PTPRD: variants seen among roughly 807,000 people sequenced by gnomAD.
The protein encoded by PTPRD is protein tyrosine phosphatase receptor type D, also known as receptor-type tyrosine-protein phosphatase delta.
PTPRD carries 34 observed loss-of-function variants against 214.5 expected under a neutral mutation model. That is an observed-to-expected ratio of 0.16 (90% CI 0.12 to 0.21). The LOEUF (loss-of-function observed/expected upper bound fraction) is 0.21, where lower values mean the gene tolerates loss of function less well. PTPRD is among the 10% of genes least tolerant of loss of function. The probability of loss-of-function intolerance (pLI) is 1.00; values close to 1 mark genes in which losing one functional copy is unlikely to be tolerated. For missense variants in PTPRD, 2,545 were observed against 2,398.7 expected (o/e 1.06, Z -1.27); for synonymous variants, 1,128 against 845.7 (o/e 1.33, Z -5.79).
At chr9:8,946,328 C>G (rs925440084) in intron 11 of PTPRD, among the ~76,000 whole-genome samples, 7 of 152,080 alleles carry the variant, frequency 4.6e-5, no homozygotes, top group Non-Finnish European at 8.8e-5. Flanking sequence ...AGACCACCCC[C>G]CCACCACCCC....
intron 7 of PTPRD, among the ~76,000 whole-genome samples, chr9:9,671,178 G>A (rs531818517): frequency 1.3e-5 from 2 of 152,264 alleles, no homozygotes; most frequent in South Asian, 4.2e-4. Context: ...TGACCTGGAT[G>A]TAAGACCAGG....
At chr9:10,458,615 TC>T (rs946740052) in intron 2 of PTPRD, among the ~76,000 whole-genome samples, 151 of 152,310 alleles carry the variant, frequency 9.9e-4, no homozygotes, top group African/African-American at 3.6e-3. Context: ...TGAAAGCTTT[TC>T]CTTTAACATC....
chr9:9,275,103 ATATATTATATATATAT>A (rs1944677611), intron 9 of PTPRD, among the ~76,000 whole-genome samples: 2 of 58,496 alleles, frequency 3.4e-5, no homozygotes, highest in Non-Finnish European at 6.3e-5. Context: ...TATATATATA[ATATATTATATATATAT>A]TATATATATT....
intron 14 of PTPRD, among the ~76,000 whole-genome samples, chr9:8,581,927 A>G (rs2093176376): frequency 6.9e-6 from 1 of 144,914 alleles, no homozygotes; most frequent in Non-Finnish European, 1.5e-5. Context: ...AAAAAAAAAA[A>G]AAAAAAAAAA....
intron 3 of PTPRD, among the ~76,000 whole-genome samples, chr9:10,061,019 T>A (rs1436014592): frequency 6.6e-6 from 1 of 151,274 alleles, no homozygotes; most frequent in East Asian, 1.9e-4. Context: ...TCTCTCTCTC[T>A]TTCTTTTCTC....
At chr9:9,859,486 T>TAAGG (rs2062237854) in intron 5 of PTPRD, among the ~76,000 whole-genome samples, 1 of 152,210 alleles carries the variant, frequency 6.6e-6, no homozygotes, top group African/African-American at 2.4e-5. Context: ...TTATGCATTA[T>TAAGG]TTAACATCCT....
chr9:10,100,237 T>C (rs574959606), intron 3 of PTPRD, among the ~76,000 whole-genome samples: 3 of 151,850 alleles, frequency 2.0e-5, no homozygotes, highest in African/African-American at 4.8e-5. Flanking sequence ...GTTTAGTACA[T>C]AGCATTTCAC....
chr9:9,184,720 C>G (rs1471645013), intron 9 of PTPRD, among the ~76,000 whole-genome samples: 2 of 152,066 alleles, frequency 1.3e-5, no homozygotes, highest in Non-Finnish European at 2.9e-5. Context: ...GATACAGCAA[C>G]TAGTTTTGTC....
At chr9:9,026,400 G>C (rs537204049) in intron 10 of PTPRD, among the ~76,000 whole-genome samples, 1 of 151,902 alleles carries the variant, frequency 6.6e-6, no homozygotes, top group Non-Finnish European at 1.5e-5. Flanking sequence ...GTTGACCATA[G>C]TAAGGTAACA....
intron 11 of PTPRD, among the ~76,000 whole-genome samples, chr9:8,917,138 T>C (rs1237831501): frequency 4.0e-5 from 6 of 148,340 alleles, no homozygotes; most frequent in South Asian, 2.1e-4. Flanking sequence ...TCTTCTTCTT[T>C]TTTTTTTTTT....
chr9:9,091,541 T>A (rs1428230021), intron 10 of PTPRD, among the ~76,000 whole-genome samples: 2 of 152,200 alleles, frequency 1.3e-5, no homozygotes, highest in South Asian at 4.1e-4. Flanking sequence ...CCATTTCCAG[T>A]ATCAACTCTT....
chr9:9,594,937 A>G (rs600472), intron 7 of PTPRD, among the ~76,000 whole-genome samples: 45,508 of 151,970 alleles, frequency 0.3, 7,761 homozygotes, highest in Non-Finnish European at 0.39. Context: ...ACATGAATAG[A>G]CAATTCTCAA....
At chr9:8,921,948 TAA>T (rs1159313134) in intron 11 of PTPRD, among the ~76,000 whole-genome samples, 1 of 151,958 alleles carries the variant, frequency 6.6e-6, no homozygotes, top group African/African-American at 2.4e-5. Context: ...GGAGGCAAAA[TAA>T]AAACAATAAA....
chr9:9,856,653 A>G (rs2061612478), intron 5 of PTPRD, among the ~76,000 whole-genome samples: 1 of 151,900 alleles, frequency 6.6e-6, no homozygotes, highest in Non-Finnish European at 1.5e-5. Flanking sequence ...AAAAAAAATT[A>G]TTGTGAAAAC....
At chr9:10,095,879 G>T (rs149402508) in intron 3 of PTPRD, among the ~76,000 whole-genome samples, 1 of 151,348 alleles carries the variant, frequency 6.6e-6, no homozygotes. Context: ...AAAGCACAAG[G>T]GTCATATGTA....
intron 43 of PTPRD, among the ~76,000 whole-genome samples, chr9:8,335,696 T>C (rs1395394840): frequency 6.6e-6 from 1 of 152,132 alleles, no homozygotes; most frequent in East Asian, 1.9e-4. Flanking sequence ...AAAGAGGAAG[T>C]GAAATTGTCT....
chr9:10,148,076 C>G (rs974427150), intron 3 of PTPRD, among the ~76,000 whole-genome samples: 5 of 152,046 alleles, frequency 3.3e-5, no homozygotes, highest in African/African-American at 9.7e-5. Context: ...ACCTCATGCC[C>G]ACCACCACCT....
At chr9:10,328,072 C>T (rs1413856495) in intron 3 of PTPRD, among the ~76,000 whole-genome samples, 2 of 150,940 alleles carry the variant, frequency 1.3e-5, no homozygotes, top group Admixed American at 1.3e-4. Flanking sequence ...TAAAGCAAAA[C>T]AACACTAAAC....
intron 4 of PTPRD, among the ~76,000 whole-genome samples, chr9:9,950,335 A>G (rs1444781509): frequency 6.6e-6 from 1 of 152,212 alleles, no homozygotes; most frequent in Non-Finnish European, 1.5e-5. Context: ...CAAGAGGCAC[A>G]ACTTTGACAA....
Sources: gnomAD v4.1 joint callset for allele counts (sites outside exome capture counted in the v4.1 genomes callset) on GRCh38, gnomAD v4.1.1 for gene constraint, MANE v1.5 for transcripts, NCBI Gene and HGNC (gene_info 2026-07-23, HGNC 2026-07-21) for gene names.